Variants in NEBL observed in about 807,000 individuals in gnomAD.
NEBL encodes the protein nebulette, also known as LIM and SH3 protein 2.
Under a neutral mutation model 140.2 loss-of-function variants are expected in NEBL, and 122 were observed. That is an observed-to-expected ratio of 0.87 (90% CI 0.75 to 1.01). The LOEUF is 1.01. NEBL is among the 50% of genes least tolerant of loss of function. NEBL has a pLI of 0.00. For missense variants in NEBL, 1,365 were observed against 1,231.3 expected, an observed-to-expected ratio of 1.11 and a Z score of -1.62; for synonymous variants, 436 against 398.9, an observed-to-expected ratio of 1.09 and a Z score of -1.11.
intron 3 of NEBL, among the ~76,000 whole-genome samples, chr10:21,226,076 G>A (rs958230125): frequency 6.6e-6 from 1 of 151,862 alleles, no homozygotes; most frequent in Non-Finnish European, 1.5e-5. Flanking sequence ...ATTATCCAGG[G>A]CCCAAGGGCT....
In NEBL at chr10:20,818,158, G is replaced by C. The variant is rs535690436; in HGVS notation, c.2056-466C>G. 7.2e-5 allele frequency among the ~76,000 whole-genome samples: 11 copies of C among 152,266 alleles called. No individual in the cohort carries two copies. The South Asian group carries it at 1.9e-3, about 26-fold the overall frequency. ...ATATTATAAGGATAAACAGTGTTGA[G>C]CCTCATTATCTCCACCCAGGAGAAC... On this transcript the variant is annotated intron_variant, in intron 20 of 27. Transcript: ENST00000377122.
chr10:20,993,141 C>A (rs1467125378), intron 3 of NEBL, among the ~76,000 whole-genome samples: 2 of 151,876 alleles, frequency 1.3e-5, no homozygotes, highest in Non-Finnish European at 2.9e-5. Context: ...ATCGTGTCTA[C>A]GTGACGTTTT....
intron 3 of NEBL, among the ~76,000 whole-genome samples, chr10:21,242,327 A>G (rs1377312986): frequency 6.6e-6 from 1 of 152,234 alleles, no homozygotes; most frequent in Non-Finnish European, 1.5e-5. Context: ...AGCAACATGG[A>G]TGGAGCTGGA....
chr10:21,176,654 C>A (rs995073388), upstream of NEBL, among the ~76,000 whole-genome samples: 2 of 152,176 alleles, frequency 1.3e-5, no homozygotes, highest in East Asian at 1.9e-4. Context: ...CTGGGGAGAA[C>A]TTTTGCCCTT....
intron 2 of NEBL, among the ~76,000 whole-genome samples, chr10:20,890,899 G>C (rs1846975057): frequency 6.6e-6 from 1 of 152,208 alleles, no homozygotes; most frequent in Non-Finnish European, 1.5e-5. Flanking sequence ...TTTGCTAAAA[G>C]TTGTATCACT....
chr10:21,113,907 T>C (rs1838161997), intron 2 of NEBL, among the ~76,000 whole-genome samples: 1 of 152,096 alleles, frequency 6.6e-6, no homozygotes, highest in South Asian at 2.1e-4. Flanking sequence ...TTTTATGACA[T>C]TGATTCTGCT....
At chr10:20,998,005 A>G (rs1837741234) in intron 3 of NEBL, among the ~76,000 whole-genome samples, 1 of 152,190 alleles carries the variant, frequency 6.6e-6, no homozygotes, top group Admixed American at 6.5e-5. Context: ...CCAAAAAATA[A>G]ATTAAATACA....
intron 4 of NEBL, among the ~76,000 whole-genome samples, chr10:20,932,265 T>C (rs1241006270): frequency 1.3e-5 from 2 of 152,206 alleles, no homozygotes; most frequent in African/African-American, 2.4e-5. Context: ...TCATGTCCTT[T>C]GCAGGGACAT....
rs547060128 is a variant in NEBL, at chr10:20,826,606, A to G, written c.1777-67T>C. 193 of 1,208,246 alleles carry G rather than the reference A, an allele frequency of 1.6e-4. 2 individuals are homozygous for G. In the South Asian group the frequency reaches 2.3e-3, roughly 14 times the overall value. The allele number at this position is 1,208,246 out of a possible 1,614,324, so 74.8% of individuals were successfully genotyped here. A position where few individuals can be genotyped will look rare whatever the true frequency, so the allele number is the denominator to read the frequency against. ...AATTCAAGTCCTAGATCCGCTTCTTAGAAAGACAATTTCTCAGGTTTTATA... is the reference window on the plus strand; with the variant it reads ...AATTCAAGTCCTAGATCCGCTTCTTGGAAAGACAATTTCTCAGGTTTTATA... On this transcript the variant is annotated intron_variant, in intron 17 of 27. Coordinates refer to ENST00000377122, the MANE Select transcript of NEBL (RefSeq NM_006393.3).
intron 5 of NEBL, among the ~76,000 whole-genome samples, chr10:20,870,191 G>T (rs1844777402): frequency 6.6e-6 from 1 of 151,728 alleles, no homozygotes; most frequent in African/African-American, 2.4e-5. Context: ...TCTGGGCATG[G>T]TGTGTGCGCC....
At chr10:20,794,189 A>C (rs2131657175) in intron 26 of NEBL, among the ~76,000 whole-genome samples, 1 of 152,332 alleles carries the variant, frequency 6.6e-6, no homozygotes, top group South Asian at 2.1e-4. Context: ...CTTGGGGTGG[A>C]GCAGAGCAGG....
chr10:21,049,293 CCTATGAGGGTTG>C (rs1429600677), intron 2 of NEBL, among the ~76,000 whole-genome samples: 1 of 152,184 alleles, frequency 6.6e-6, no homozygotes, highest in Non-Finnish European at 1.5e-5. Flanking sequence ...GAGTGTTTCT[CCTATGAGGGTTG>C]CTACCATCTA....
intron 3 of NEBL, among the ~76,000 whole-genome samples, chr10:21,185,769 A>G (rs1841458203): frequency 6.6e-6 from 1 of 152,088 alleles, no homozygotes; most frequent in Non-Finnish European, 1.5e-5. Flanking sequence ...AAGTGTTGGG[A>G]TTACAGGCGT....
chr10:21,091,876 C>T (rs965235562), intron 2 of NEBL, among the ~76,000 whole-genome samples: 1 of 152,248 alleles, frequency 6.6e-6, no homozygotes, highest in Non-Finnish European at 1.5e-5. Flanking sequence ...AAGCAATCCT[C>T]TTGCCTCAGC....
At position 20,785,635 on chromosome 10, in the gene NEBL, G is replaced by C. The variant is rs1303358305; in HGVS notation, c.*112C>G. 3 of 1,229,548 alleles carry C rather than the reference G, an allele frequency of 2.4e-6. No individual in the cohort carries two copies. The highest frequency in any genetic ancestry group is 3.5e-6 in the Non-Finnish European group (3 of 860,762). The allele number at this position is 1,229,548 out of a possible 1,614,324, so 76.2% of individuals were successfully genotyped here. ...CCTGTGTGTCTAATTGTCAAAGGAA[G>C]GATACATCATTGTAAAATAATGGCC... On this transcript the variant is annotated 3_prime_UTR_variant, in exon 28 of 28. Coordinates refer to ENST00000377122, the MANE Select transcript of NEBL (RefSeq NM_006393.3).
chr10:21,082,624 C>A (rs146340959), intron 2 of NEBL, among the ~76,000 whole-genome samples: 220 of 150,618 alleles, frequency 1.5e-3, no homozygotes, highest in African/African-American at 4.4e-3. Flanking sequence ...GCTATTTCCT[C>A]ACCTAATTCC....
At chr10:21,249,881 T>G (rs1842564759) in intron 2 of NEBL, among the ~76,000 whole-genome samples, 1 of 152,012 alleles carries the variant, frequency 6.6e-6, no homozygotes, top group African/African-American at 2.4e-5. Flanking sequence ...CTGACCAACA[T>G]GGCAAAATCC....
intron 2 of NEBL, among the ~76,000 whole-genome samples, chr10:21,097,827 T>C (rs1017085552): frequency 1.3e-4 from 20 of 152,150 alleles, no homozygotes; most frequent in African/African-American, 4.8e-4. Context: ...ATGAAGACAT[T>C]GGACTTTTTT....
rs2131600271 is a variant in NEBL at position 20,781,611 on chromosome 10, G to A, written c.*4136C>T. On this transcript the variant is annotated 3_prime_UTR_variant, in exon 28 of 28. Transcript: ENST00000377122. ...CACAAAAAATCCTATGGCATTCCCA[G>A]GAATATACTGAAGTCATACAGACAA... 6.6e-6 allele frequency: 1 copy of A among 152,352 alleles called. No individual in the cohort carries two copies. Among genetic ancestry groups the A allele is most frequent in the Non-Finnish European group, 1.5e-5 (1 of 68,008 alleles). 9.4% of individuals were successfully genotyped at this position (152,352 alleles called of 1,614,324 possible).
Sources: gnomAD v4.1 joint callset for allele counts (sites outside exome capture counted in the v4.1 genomes callset) on GRCh38, gnomAD v4.1.1 for gene constraint, MANE v1.5 for transcripts, NCBI Gene and HGNC (gene_info 2026-07-23, HGNC 2026-07-21) for gene names.